KIAA0319L: variants seen among roughly 807,000 people sequenced by gnomAD.
KIAA0319L encodes dyslexia-associated protein KIAA0319-like protein.
In KIAA0319L, 55 loss-of-function variants were observed where a neutral mutation model predicts 120.1. That is an observed-to-expected ratio of 0.46 (90% CI 0.37 to 0.57). The LOEUF (loss-of-function observed/expected upper bound fraction) is 0.57, where lower values mean the gene tolerates loss of function less well. KIAA0319L is among the 20% of genes least tolerant of loss of function. KIAA0319L has a pLI of 0.00. For missense variants in KIAA0319L, 1,049 were observed against 1,255.3 expected, an observed-to-expected ratio of 0.84 and a Z score of 2.48; for synonymous variants, 398 against 471.9, an observed-to-expected ratio of 0.84 and a Z score of 2.03.
chr1:35,480,408 A>G (rs576495808), intron 3 of KIAA0319L, among the ~76,000 whole-genome samples: 27 of 152,346 alleles, frequency 1.8e-4, no homozygotes, highest in Non-Finnish European at 2.8e-4. Context: ...AATAGCAGGA[A>G]TATCACTTAG....
Position 35,437,889 on chromosome 1 carries a change from A to G in KIAA0319L, c.2963-2808T>C, listed in dbSNP as rs909292937. ...TCTTCTCTTACCCAGTCACTGCATC[A>G]GAGGTTCTGATTCTGTCAACAGCAC... is the stretch of plus-strand genomic sequence containing the variant. On this transcript the variant is annotated intron_variant, in intron 20 of 20. Transcript: ENST00000325722. The surrounding 1 kb of genome is among the most constrained non-coding windows in gnomAD (Gnocchi z 4.1). Among the ~76,000 whole-genome samples, 1 of 151,988 alleles carries G rather than the reference A, an allele frequency of 6.6e-6. No individual in the cohort carries two copies. Among genetic ancestry groups the G allele is most frequent in the Non-Finnish European group, 1.5e-5 (1 of 67,998 alleles).
chr1:35,489,964 C>A (rs1644531777), intron 3 of KIAA0319L, among the ~76,000 whole-genome samples: 2 of 151,360 alleles, frequency 1.3e-5, no homozygotes, highest in Admixed American at 1.3e-4. Flanking sequence ...CCATGCCTGG[C>A]TTTTGTTTGT....
rs368212255 is a variant in KIAA0319L at position 35,466,780 on chromosome 1, C to G, written c.1114-85G>C. ...TAAGATATATCTGAACTTTCCCAAGCTGAATCTTTCACTCTTTCCTTCCCC... is the reference window on the plus strand; with the variant it reads ...TAAGATATATCTGAACTTTCCCAAGGTGAATCTTTCACTCTTTCCTTCCCC... On this transcript the variant is annotated intron_variant, in intron 6 of 20. Transcript: ENST00000325722. 2.8e-5 allele frequency: 26 copies of G among 942,992 alleles called. No homozygotes were observed. The African/African-American group carries it at 3.7e-4, about 13-fold the overall frequency. The allele number at this position is 942,992 out of a possible 1,614,324, so 58.4% of individuals were successfully genotyped here.
intron 5 of KIAA0319L, among the ~76,000 whole-genome samples, chr1:35,473,080 CT>C (rs962861379): frequency 0.03 from 2,708 of 90,450 alleles, 7 homozygotes; most frequent in African/African-American, 0.065. Context: ...TGCGCCCAGC[CT>C]TTTTTTTTTT....
chr1:35,511,542 C>G (rs1484510386), intron 2 of KIAA0319L: 1 of 151,874 alleles, frequency 6.6e-6, no homozygotes, highest in African/African-American at 2.4e-5. Context: ...CCAGACTGGG[C>G]AACATAGTGA....
intron 2 of KIAA0319L, among the ~76,000 whole-genome samples, chr1:35,545,828 G>A (rs1646960863): frequency 6.6e-6 from 1 of 152,160 alleles, no homozygotes; most frequent in African/African-American, 2.4e-5. Flanking sequence ...CTGAGAGGCA[G>A]AGGTTGCAGT....
At chr1:35,508,292 G>T (rs1469724493) in intron 2 of KIAA0319L, among the ~76,000 whole-genome samples, 3 of 152,218 alleles carry the variant, frequency 2.0e-5, no homozygotes, top group African/African-American at 4.8e-5. Flanking sequence ...ATATATGTTA[G>T]AATTACATAG....
chr1:35,549,491 C>T (rs898371920), intron 2 of KIAA0319L, among the ~76,000 whole-genome samples: 4 of 152,124 alleles, frequency 2.6e-5, no homozygotes, highest in Admixed American at 2.6e-4. Flanking sequence ...ACTCAAAATA[C>T]GTATTAACTA....
chr1:35,542,093 A>G (rs901981549), intron 2 of KIAA0319L, among the ~76,000 whole-genome samples: 1 of 152,218 alleles, frequency 6.6e-6, no homozygotes, highest in Non-Finnish European at 1.5e-5. Context: ...GCTAGCAGAG[A>G]ACTCAACCCT....
In KIAA0319L at chr1:35,507,029, C is replaced by T; in HGVS notation, c.249G>A (p.Gln83=). 6.2e-7 allele frequency: 1 copy of T among 1,610,778 alleles called. No homozygotes were observed. The highest frequency in any genetic ancestry group is 8.5e-7 in the Non-Finnish European group (1 of 1,178,344). ...LWLLEGTPSL[Q]SCWAACCQDS... ...CCTGGCAGCAGGCAGCCCAACATGA[C>T]TGGAGAGAGGGGGTTCCTTCAAGAA... The change falls in exon 3 of 21, where the codon CAG becomes CAA. Residue 83 remains glutamine, a synonymous_variant. Transcript: ENST00000325722.
chr1:35,475,399 A>G (rs1191727772), intron 4 of KIAA0319L, among the ~76,000 whole-genome samples: 1 of 152,160 alleles, frequency 6.6e-6, no homozygotes, highest in East Asian at 1.9e-4. Context: ...AGGGAAGGCA[A>G]ATGGTTACAA....
intron 10 of KIAA0319L, among the ~76,000 whole-genome samples, chr1:35,455,781 A>G (rs1642405119): frequency 1.3e-5 from 2 of 151,574 alleles, no homozygotes; most frequent in South Asian, 4.2e-4. Flanking sequence ...GGGTTTCACA[A>G]TGTTGGCCAG....
intron 2 of KIAA0319L, among the ~76,000 whole-genome samples, chr1:35,540,953 T>C (rs1479151353): frequency 6.6e-6 from 1 of 152,112 alleles, no homozygotes; most frequent in African/African-American, 2.4e-5. Flanking sequence ...TTTCCCTTTT[T>C]TTTTTCTTGA....
intron 3 of KIAA0319L, among the ~76,000 whole-genome samples, chr1:35,492,230 A>C (rs1428688163): frequency 1.3e-5 from 2 of 152,164 alleles, no homozygotes; most frequent in Non-Finnish European, 2.9e-5. Context: ...TAATATCATG[A>C]CCAAGCTGGG....
At chr1:35,450,154 C>T (rs1570638661) in intron 14 of KIAA0319L, 149 bp from the exon 15 acceptor site, 1 of 1,087,560 alleles carries the variant, frequency 9.2e-7, no homozygotes, top group East Asian at 2.4e-5. Context: ...TTGCAGCCTA[C>T]AACTGCTAGG....
intron 20 of KIAA0319L, among the ~76,000 whole-genome samples, chr1:35,435,877 C>CA (rs1640748257): frequency 6.6e-6 from 1 of 152,140 alleles, no homozygotes; most frequent in Non-Finnish European, 1.5e-5. Flanking sequence ...CTGGCTGGTG[C>CA]AAAAACTCCA....
At chr1:35,521,231 G>C (rs1013522281) in intron 2 of KIAA0319L, among the ~76,000 whole-genome samples, 3 of 152,072 alleles carry the variant, frequency 2.0e-5, no homozygotes, top group African/African-American at 7.2e-5. Context: ...CCAGCAACTG[G>C]GGGAGGTTGA....
Position 35,437,157 on chromosome 1 carries a change from AC to A in KIAA0319L, c.2963-2077del, listed in dbSNP as rs566079024. ...TTGGTCACCTAGATGCCACTGGAAC[AC>A]CCCATGGCTCTCCCCTCTCCCTAAG... On this transcript the variant is annotated intron_variant, in intron 20 of 20. Transcript: ENST00000325722. This position sits in a 1 kb window ranked among gnomAD's most constrained non-coding sequence, Gnocchi z 4.1. Among the ~76,000 whole-genome samples the A allele has an allele frequency of 2.0e-3, 306 of 152,068 alleles. 1 individual carries two copies. The highest frequency in any genetic ancestry group is 3.3e-3 in the Non-Finnish European group (225 of 67,964).
At chr1:35,451,547 C>T (rs1024862352) in intron 13 of KIAA0319L, 81 bp downstream of exon 13, 10 of 1,391,534 alleles carry the variant, frequency 7.2e-6, no homozygotes, top group Non-Finnish European at 1.0e-5. Context: ...TAATCAATTT[C>T]TGCAGGCAAA....
Sources: gnomAD v4.1 joint callset for allele counts (sites outside exome capture counted in the v4.1 genomes callset) on GRCh38, gnomAD v4.1.1 for gene constraint, Gnocchi (gnomAD v3.1) non-coding constraint, MANE v1.5 for transcripts, NCBI Gene and HGNC (gene_info 2026-07-23, HGNC 2026-07-21) for gene names.